EYA2: variants seen among roughly 807,000 people sequenced by gnomAD.
EYA2 encodes protein phosphatase EYA2.
In EYA2, 31 loss-of-function variants were observed where a neutral mutation model predicts 69.2. That is an observed-to-expected ratio of 0.45 (90% CI 0.34 to 0.60). The LOEUF (loss-of-function observed/expected upper bound fraction) is 0.60. Among genes scored for constraint, EYA2 ranks in the 20% least tolerant of loss-of-function variants. The pLI, the probability that EYA2 is intolerant of heterozygous loss-of-function variation, is 0.02. For missense variants in EYA2, 622 were observed against 701.2 expected (o/e 0.89, Z 1.28); for synonymous variants, 257 against 279.4 (o/e 0.92, Z 0.80).
At chr20:47,071,325 G>C (rs1022817544) in intron 5 of EYA2, among the ~76,000 whole-genome samples, 3 of 151,886 alleles carry the variant, frequency 2.0e-5, no homozygotes, top group Non-Finnish European at 4.4e-5. Context: ...TAATTTTTTT[G>C]TAGAGACAAC....
intron 9 of EYA2, among the ~76,000 whole-genome samples, chr20:47,115,814 CTT>C (rs1043891773): frequency 1.3e-5 from 2 of 152,236 alleles, no homozygotes; most frequent in Admixed American, 6.5e-5. Context: ...AAGGCAAACT[CTT>C]TGCCATGACT....
intron 1 of EYA2, among the ~76,000 whole-genome samples, chr20:46,983,187 G>A (rs898980833): frequency 6.6e-6 from 1 of 152,130 alleles, no homozygotes; most frequent in African/African-American, 2.4e-5. Context: ...AACTTCAATA[G>A]CAGAATCTCG....
intron 1 of EYA2, among the ~76,000 whole-genome samples, chr20:46,937,447 A>T (rs1011781651): frequency 2.0e-5 from 3 of 152,222 alleles, no homozygotes; most frequent in Non-Finnish European, 4.4e-5. Context: ...TGCCTGGAAC[A>T]GTGTACACAC....
intron 5 of EYA2, among the ~76,000 whole-genome samples, chr20:47,047,358 G>A (rs1331642404): frequency 5.3e-5 from 8 of 151,834 alleles, no homozygotes; most frequent in African/African-American, 1.9e-4. Context: ...TAAGAAAAAA[G>A]ATGAGCAGGC....
chr20:46,990,188 G>C, intron 2 of EYA2, 69 bp downstream of exon 2: 1 of 819,962 alleles, frequency 1.2e-6, no homozygotes, highest in Admixed American at 1.7e-5. Context: ...AATATCGTAA[G>C]CAACAGACAC....
intron 5 of EYA2, among the ~76,000 whole-genome samples, chr20:47,045,900 C>T (rs532874918): frequency 9.8e-5 from 15 of 152,336 alleles, no homozygotes; most frequent in African/African-American, 3.6e-4. Flanking sequence ...GACCCAGACT[C>T]TTCTCATCTT....
chr20:47,103,117 A>G (rs1429214217), intron 9 of EYA2, among the ~76,000 whole-genome samples: 1 of 152,190 alleles, frequency 6.6e-6, no homozygotes, highest in Non-Finnish European at 1.5e-5. Context: ...GATACAATCT[A>G]CATATCATAA....
At chr20:47,044,217 A>G (rs1039725345) in intron 5 of EYA2, among the ~76,000 whole-genome samples, 3 of 152,212 alleles carry the variant, frequency 2.0e-5, no homozygotes, top group Non-Finnish European at 4.4e-5. Flanking sequence ...GTCTTGAGAA[A>G]GTGAGAGGCC....
At chr20:47,044,218 G>T (rs966755834) in intron 5 of EYA2, among the ~76,000 whole-genome samples, 1 of 152,200 alleles carries the variant, frequency 6.6e-6, no homozygotes, top group African/African-American at 2.4e-5. Flanking sequence ...TCTTGAGAAA[G>T]TGAGAGGCCT....
At chr20:46,897,907 T>A (rs1435275910) in intron 1 of EYA2, among the ~76,000 whole-genome samples, 1 of 152,100 alleles carries the variant, frequency 6.6e-6, no homozygotes, top group Non-Finnish European at 1.5e-5. Flanking sequence ...TATTAGGCAG[T>A]GTCTTCAGGT....
intron 9 of EYA2, among the ~76,000 whole-genome samples, chr20:47,118,836 G>A (rs2032972348): frequency 6.6e-6 from 1 of 152,094 alleles, no homozygotes; most frequent in Non-Finnish European, 1.5e-5. Context: ...AACACAGACT[G>A]CTTCCCCAGA....
intron 5 of EYA2, among the ~76,000 whole-genome samples, chr20:47,033,751 T>G (rs1984546924): frequency 6.6e-6 from 1 of 152,238 alleles, no homozygotes; most frequent in African/African-American, 2.4e-5. Flanking sequence ...TGAAGGCTGC[T>G]CCTTTAACTG....
At chr20:47,001,601 G>T in intron 3 of EYA2, 128 bp downstream of exon 3, 1 of 958,368 alleles carries the variant, frequency 1.0e-6, no homozygotes. Context: ...GCACTTCCTA[G>T]CTGAGTGAGC....
At chr20:47,176,392 T>C (rs2034427715) in intron 12 of EYA2, among the ~76,000 whole-genome samples, 1 of 96,750 alleles carries the variant, frequency 1.0e-5, no homozygotes, top group African/African-American at 7.8e-5. Context: ...AAATTCTTAA[T>C]TCAGTCATTT....
intron 5 of EYA2, among the ~76,000 whole-genome samples, chr20:47,040,610 C>T (rs1236881048): frequency 1.3e-5 from 2 of 152,198 alleles, no homozygotes; most frequent in African/African-American, 2.4e-5. Context: ...AAATAACAAC[C>T]ATACAGCAGC....
intron 8 of EYA2, among the ~76,000 whole-genome samples, chr20:47,094,104 A>G (rs1410115893): frequency 1.3e-5 from 2 of 152,222 alleles, no homozygotes; most frequent in African/African-American, 4.8e-5. Flanking sequence ...AATGGCCACC[A>G]GGAACTTACC....
chr20:47,091,942 G>A (rs1260325308), intron 8 of EYA2, among the ~76,000 whole-genome samples: 1 of 152,178 alleles, frequency 6.6e-6, no homozygotes, highest in Admixed American at 6.5e-5. Flanking sequence ...CAGTATCCCA[G>A]TGGCCTAGCT....
chr20:47,087,667 C>A (rs1393443399), intron 7 of EYA2, among the ~76,000 whole-genome samples: 2 of 152,170 alleles, frequency 1.3e-5, no homozygotes, highest in Non-Finnish European at 2.9e-5. Context: ...TGTTGGGGAC[C>A]ACTAGACAAT....
chr20:46,913,545 G>A (rs1191607307), intron 1 of EYA2, among the ~76,000 whole-genome samples: 1 of 151,528 alleles, frequency 6.6e-6, no homozygotes, highest in African/African-American at 2.4e-5. Flanking sequence ...GACTGCAGGG[G>A]TCAGAGGGTG....
Sources: allele counts gnomAD v4.1 joint callset (sites outside exome capture counted in the v4.1 genomes callset), GRCh38; gene constraint gnomAD v4.1.1; transcripts MANE v1.5; gene names NCBI Gene and HGNC (gene_info 2026-07-23, HGNC 2026-07-21).